MAML3: variants seen among roughly 807,000 people sequenced by gnomAD.
MAML3 encodes the protein mastermind-like protein 3.
In MAML3, 27 loss-of-function variants were observed where a neutral mutation model predicts 101.9. The ratio of observed to expected loss-of-function variants is 0.27; its 90% confidence interval spans 0.20 to 0.37. The LOEUF (loss-of-function observed/expected upper bound fraction) is 0.37, where lower values mean the gene tolerates loss of function less well. MAML3 is among the 10% of genes least tolerant of loss of function. The pLI, the probability that MAML3 is intolerant of heterozygous loss-of-function variation, is 1.00. For missense variants in MAML3, 1,316 were observed against 1,444.9 expected (o/e 0.91, Z 1.45); for synonymous variants, 501 against 555.9 (o/e 0.90, Z 1.39).
At chr4:139,968,430 T>C (rs1433327762) in intron 1 of MAML3, among the ~76,000 whole-genome samples, 1 of 152,110 alleles carries the variant, frequency 6.6e-6, no homozygotes, top group Non-Finnish European at 1.5e-5. Flanking sequence ...TGACCCCCAT[T>C]ACCTGGCTGC....
At chr4:139,776,477 T>C (rs17050907) in intron 2 of MAML3, among the ~76,000 whole-genome samples, 2,046 of 152,228 alleles carry the variant, frequency 0.013, 56 homozygotes, top group African/African-American at 0.046. Context: ...ACCACACTGA[T>C]AGATAAGTGA....
chr4:139,773,161 A>C (rs759068116), intron 2 of MAML3, among the ~76,000 whole-genome samples: 4 of 152,174 alleles, frequency 2.6e-5, no homozygotes, highest in Non-Finnish European at 5.9e-5. Context: ...AACAGGCTTC[A>C]GGATTCTTAG....
chr4:139,883,889 C>CTTT (rs70943452), intron 2 of MAML3, among the ~76,000 whole-genome samples: 26 of 74,308 alleles, frequency 3.5e-4, no homozygotes, highest in African/African-American at 5.8e-4. Context: ...AATTGCTTGT[C>CTTT]TTTTTTTTTT....
Position 139,745,999 on chromosome 4 carries a change from A to G in MAML3, c.2080-15332T>C, listed in dbSNP as rs561662789. Among the ~76,000 whole-genome samples, 10 of 152,350 alleles carry G rather than the reference A, an allele frequency of 6.6e-5. No individual in the cohort carries two copies. In the South Asian group the frequency reaches 1.7e-3, roughly 25 times the overall value. On this transcript the variant is annotated intron_variant, in intron 2 of 4. Transcript: ENST00000509479. ...TGCTACTAAATGTTTCATTCACTCAACTTTTTTCAAGAAGTCCTGACAAGT... is the reference window on the plus strand; with the variant it reads ...TGCTACTAAATGTTTCATTCACTCAGCTTTTTTCAAGAAGTCCTGACAAGT...
intron 1 of MAML3, among the ~76,000 whole-genome samples, chr4:139,922,064 G>A (rs936015784): frequency 2.6e-5 from 4 of 152,138 alleles, no homozygotes; most frequent in Non-Finnish European, 1.5e-5. Context: ...AGCCAGGTCT[G>A]TGGAGGGCAG....
intron 1 of MAML3, among the ~76,000 whole-genome samples, chr4:140,085,984 T>C (rs1446538479): frequency 2.0e-5 from 3 of 152,262 alleles, no homozygotes; most frequent in Non-Finnish European, 4.4e-5. Context: ...AAATTTACTT[T>C]AGTGAAGAAA....
At chr4:139,933,648 C>T (rs1410366214) in intron 1 of MAML3, among the ~76,000 whole-genome samples, 3 of 152,194 alleles carry the variant, frequency 2.0e-5, no homozygotes, top group Non-Finnish European at 4.4e-5. Context: ...ATGCCAGCAA[C>T]ATGGTGGAGT....
chr4:139,864,785 G>A (rs1731860840), intron 2 of MAML3, among the ~76,000 whole-genome samples: 1 of 150,518 alleles, frequency 6.6e-6, no homozygotes, highest in Non-Finnish European at 1.5e-5. Context: ...CCATCAACAT[G>A]TTTGGGAGCA....
In MAML3 at chr4:139,752,893, G is replaced by A. The variant is rs1175898710; in HGVS notation, c.2080-22226C>T. Among the ~76,000 whole-genome samples the A allele has an allele frequency of 3.3e-5, 5 of 152,166 alleles. No homozygotes were observed. The East Asian group carries it at 9.6e-4, about 29-fold the overall frequency. On this transcript the variant is annotated intron_variant, in intron 2 of 4. Coordinates refer to ENST00000509479, the MANE Select transcript of MAML3 (RefSeq NM_018717.5). ...TTAGCTACTTCCTTGTGGTGACACT[G>A]GGAAGAGCTAACAGGGGGAAAGAAA...
rs532205105 is a variant in MAML3 at position 139,994,192 on chromosome 4, A to G, written c.469-103225T>C. ...CCAAAATTCTGTTTCATTCCAATCCATGAACTGGAATGTCTCTCCATTTAC... is the reference window on the plus strand; with the variant it reads ...CCAAAATTCTGTTTCATTCCAATCCGTGAACTGGAATGTCTCTCCATTTAC... On this transcript the variant is annotated intron_variant, in intron 1 of 4. Transcript: ENST00000509479. Among the ~76,000 whole-genome samples the G allele has an allele frequency of 1.1e-4, 16 of 152,306 alleles. No homozygotes were observed. The South Asian group carries it at 2.5e-3, about 24-fold the overall frequency.
At chr4:140,072,634 C>T (rs1321216272) in intron 1 of MAML3, among the ~76,000 whole-genome samples, 1 of 150,122 alleles carries the variant, frequency 6.7e-6, no homozygotes, top group African/African-American at 2.5e-5. Context: ...CGTGCCATTG[C>T]ACTCCAACCT....
intron 1 of MAML3, among the ~76,000 whole-genome samples, chr4:140,035,978 T>C (rs1290869070): frequency 1.3e-5 from 2 of 152,216 alleles, no homozygotes; most frequent in South Asian, 2.1e-4. Context: ...TGAGAATGAA[T>C]TGAGATGAAC....
At chr4:139,801,274 A>G (rs894279605) in intron 2 of MAML3, among the ~76,000 whole-genome samples, 6 of 152,252 alleles carry the variant, frequency 3.9e-5, no homozygotes, top group Admixed American at 1.3e-4. Flanking sequence ...TCAGATGAAC[A>G]ACTTATACTA....
chr4:139,867,970 T>TAAA (rs1560819125), intron 2 of MAML3, among the ~76,000 whole-genome samples: 1 of 152,238 alleles, frequency 6.6e-6, no homozygotes, highest in African/African-American at 2.4e-5. Flanking sequence ...TCTTCTGGAA[T>TAAA]TGAGTTCTCT....
chr4:140,011,121 G>GTGTGTA (rs1553968773), intron 1 of MAML3, among the ~76,000 whole-genome samples: 2 of 65,100 alleles, frequency 3.1e-5, no homozygotes, highest in African/African-American at 4.2e-5. Flanking sequence ...AAGTGTGTGT[G>GTGTGTA]TATATATATA....
rs538271013 is a variant in MAML3, at chr4:139,920,002, T to A, written c.469-29035A>T. ...CATGCTGTAAAAAAGCCTTGTTAAA[T>A]TTGTTTCTCAGCACTATTTGTATGC... On this transcript the variant is annotated intron_variant, in intron 1 of 4. Transcript: ENST00000509479. Among the ~76,000 whole-genome samples the A allele has an allele frequency of 1.2e-4, 18 of 152,372 alleles. No homozygotes were observed. The South Asian group carries it at 3.5e-3, about 30-fold the overall frequency.
At chr4:139,934,225 G>A (rs1221548678) in intron 1 of MAML3, among the ~76,000 whole-genome samples, 3 of 151,832 alleles carry the variant, frequency 2.0e-5, no homozygotes, top group Non-Finnish European at 4.4e-5. Context: ...ATGTATTTAT[G>A]AATATGTGAA....
intron 1 of MAML3, among the ~76,000 whole-genome samples, chr4:139,907,322 C>T (rs778587013): frequency 6.6e-6 from 1 of 152,122 alleles, no homozygotes; most frequent in Non-Finnish European, 1.5e-5. Flanking sequence ...AGGTTTGTTC[C>T]AGCTCTAAGA....
chr4:140,090,447 G>T (rs1444247067), intron 1 of MAML3, among the ~76,000 whole-genome samples: 1 of 152,224 alleles, frequency 6.6e-6, no homozygotes, highest in Non-Finnish European at 1.5e-5. Context: ...TCAGCACTTA[G>T]TAAGTTCCAG....
Sources: gnomAD v4.1 joint callset for allele counts (sites outside exome capture counted in the v4.1 genomes callset) on GRCh38, gnomAD v4.1.1 for gene constraint, MANE v1.5 for transcripts, NCBI Gene and HGNC (gene_info 2026-07-23, HGNC 2026-07-21) for gene names.